Variants in RMDN2 observed in about 807,000 individuals in gnomAD.
RMDN2 encodes the protein regulator of microtubule dynamics 2.
RMDN2 carries 61 observed loss-of-function variants against 52.8 expected under a neutral mutation model. That is an observed-to-expected ratio of 1.16 (90% CI 0.94 to 1.43). The LOEUF (loss-of-function observed/expected upper bound fraction) is 1.43, where lower values mean the gene tolerates loss of function less well. RMDN2 is among the 40% of genes most tolerant of loss of function. The pLI is 0.00. For synonymous variants in RMDN2, 180 were observed against 153.1 expected, an observed-to-expected ratio of 1.18 and a Z score of -1.30; for missense variants, 592 against 475.3, an observed-to-expected ratio of 1.25 and a Z score of -2.28.
intron 5 of RMDN2, among the ~76,000 whole-genome samples, chr2:37,985,378 T>TTA (rs1558511721): frequency 1.3e-5 from 2 of 151,614 alleles, no homozygotes; most frequent in Non-Finnish European, 1.5e-5. Flanking sequence ...ATGATCTGTT[T>TTA]TTTATTTATT....
intron 10 of RMDN2, among the ~76,000 whole-genome samples, chr2:38,064,841 G>C (rs746507165): frequency 1.3e-5 from 2 of 152,138 alleles, no homozygotes; most frequent in East Asian, 1.9e-4. Context: ...TAAAAATAAA[G>C]AGGTCATGCC....
chr2:38,018,168 T>C (rs1379034854), downstream of RMDN2, among the ~76,000 whole-genome samples: 2 of 152,210 alleles, frequency 1.3e-5, no homozygotes, highest in East Asian at 3.8e-4. Flanking sequence ...GGGAATACGA[T>C]GGCTTAGCTT....
chr2:37,965,079 T>C (rs1327365910), intron 2 of RMDN2, among the ~76,000 whole-genome samples: 1 of 152,192 alleles, frequency 6.6e-6, no homozygotes, highest in Non-Finnish European at 1.5e-5. Context: ...TCATGAAATA[T>C]GTTTTTCTGT....
chr2:37,947,511 C>T (rs1343551833), intron 2 of RMDN2, among the ~76,000 whole-genome samples: 1 of 152,076 alleles, frequency 6.6e-6, no homozygotes, highest in Non-Finnish European at 1.5e-5. Flanking sequence ...ATCTGAGTAA[C>T]AAACTACAAA....
At chr2:38,053,880 A>C (rs1681738414) in intron 10 of RMDN2, among the ~76,000 whole-genome samples, 1 of 152,060 alleles carries the variant, frequency 6.6e-6, no homozygotes, top group Admixed American at 6.5e-5. Flanking sequence ...GGTGACTCTA[A>C]TGTGCAGCCA....
At chr2:37,976,791 T>A (rs951446530) in intron 4 of RMDN2, among the ~76,000 whole-genome samples, 1 of 152,132 alleles carries the variant, frequency 6.6e-6, no homozygotes, top group African/African-American at 2.4e-5. Flanking sequence ...TCCAAGTATA[T>A]CTATGTAAAG....
rs547752725 is a variant in RMDN2, at chr2:38,006,769, C to T, written c.1179+2553C>T. Among the ~76,000 whole-genome samples the T allele has an allele frequency of 3.3e-4, 51 of 152,308 alleles. 1 individual carries two copies. The highest frequency in any genetic ancestry group is 9.4e-4 in the African/African-American group (39 of 41,546). ...GAATAGGAGTGGTGAGAGAGGGCAT[C>T]CCTGTCTTGTGCCAGTTTTCAAAGG... On this transcript the variant is annotated intron_variant, in intron 10 of 10. Coordinates refer to ENST00000354545, the MANE Select transcript of RMDN2 (RefSeq NM_001170791.3).
At chr2:38,011,391 A>G (rs945393720) in intron 10 of RMDN2, among the ~76,000 whole-genome samples, 1 of 152,198 alleles carries the variant, frequency 6.6e-6, no homozygotes, top group Non-Finnish European at 1.5e-5. Context: ...GGGAACAACA[A>G]CAAAAAAATA....
intron 5 of RMDN2, among the ~76,000 whole-genome samples, chr2:37,986,600 C>A (rs1000152540): frequency 3.3e-5 from 5 of 152,028 alleles, no homozygotes; most frequent in Non-Finnish European, 5.9e-5. Flanking sequence ...GAGATTTATT[C>A]CTGGTCTGCA....
chr2:37,971,551 ATAAGG>A (rs1005543346), intron 2 of RMDN2, among the ~76,000 whole-genome samples: 2 of 152,214 alleles, frequency 1.3e-5, no homozygotes, highest in African/African-American at 2.4e-5. Context: ...TTTTAAAAAT[ATAAGG>A]TAGAGTTTCA....
intron 2 of RMDN2, among the ~76,000 whole-genome samples, chr2:37,962,559 C>T (rs993746641): frequency 2.0e-5 from 3 of 152,282 alleles, no homozygotes; most frequent in African/African-American, 4.8e-5. Context: ...CTCAAATGTC[C>T]CAGGTAGACT....
chr2:37,982,661 T>G (rs758273035), intron 5 of RMDN2, among the ~76,000 whole-genome samples: 1 of 152,152 alleles, frequency 6.6e-6, no homozygotes, highest in Non-Finnish European at 1.5e-5. Context: ...GAGTACCTAA[T>G]AGATAAAGTA....
intron 2 of RMDN2, among the ~76,000 whole-genome samples, chr2:37,937,355 C>T (rs975060257): frequency 6.6e-6 from 1 of 152,084 alleles, no homozygotes; most frequent in Non-Finnish European, 1.5e-5. Flanking sequence ...GTTCTTTTTG[C>T]TTAGGATTGT....
intron 4 of RMDN2, among the ~76,000 whole-genome samples, chr2:37,976,748 C>T (rs551743801): frequency 1.3e-5 from 2 of 152,116 alleles, no homozygotes; most frequent in African/African-American, 4.8e-5. Context: ...CCAAGGAGAA[C>T]AAGGGGATTT....
chr2:37,951,222 C>G, intron 2 of RMDN2: 1 of 1,543,766 alleles, frequency 6.5e-7, no homozygotes, highest in Non-Finnish European at 8.7e-7. Flanking sequence ...TGACCCTTTT[C>G]TCACTCTTAG....
At chr2:38,040,215 C>G (rs1391501093) in intron 10 of RMDN2, among the ~76,000 whole-genome samples, 1 of 152,038 alleles carries the variant, frequency 6.6e-6, no homozygotes, top group Non-Finnish European at 1.5e-5. Flanking sequence ...CTTACCTCTT[C>G]CATTGATTTC....
chr2:37,971,049 C>T (rs1671745511), intron 2 of RMDN2, among the ~76,000 whole-genome samples: 1 of 151,744 alleles, frequency 6.6e-6, no homozygotes, highest in South Asian at 2.1e-4. Flanking sequence ...CTAAGTTTTT[C>T]ATTTTGATAA....
chr2:37,974,247 T>C lies in RMDN2; in HGVS notation c.627+33T>C, dbSNP rs769202514. 2.1e-6 allele frequency: 3 copies of C among 1,415,050 alleles called. No individual in the cohort carries two copies. In the Admixed American group the frequency reaches 7.2e-5, roughly 34 times the overall value. 87.7% of individuals were successfully genotyped at this position (1,415,050 alleles called of 1,614,324 possible). ...ACATAACAATAGCACTTCGTATAGT[T>C]CCATTTTTTAATTTAATCTGCCATC... On this transcript the variant is annotated intron_variant, in intron 3 of 10. Transcript: ENST00000354545.
intron 10 of RMDN2, among the ~76,000 whole-genome samples, chr2:38,011,919 C>T (rs1678053553): frequency 6.6e-6 from 1 of 152,172 alleles, no homozygotes; most frequent in African/African-American, 2.4e-5. Context: ...GCTTCCTTGC[C>T]TCCCGCCAGG....
Sources: gnomAD v4.1 joint callset for allele counts (sites outside exome capture counted in the v4.1 genomes callset) on GRCh38, gnomAD v4.1.1 for gene constraint, MANE v1.5 for transcripts, NCBI Gene and HGNC (gene_info 2026-07-23, HGNC 2026-07-21) for gene names.